NHEJ1: variants seen among roughly 807,000 people sequenced by gnomAD.
The protein encoded by NHEJ1 is non-homologous end joining factor 1.
NHEJ1 carries 22 observed loss-of-function variants against 39.4 expected under a neutral mutation model. That is an observed-to-expected ratio of 0.56 (90% CI 0.40 to 0.80). NHEJ1 has a LOEUF of 0.80. Among genes scored for constraint, NHEJ1 ranks in the 30% least tolerant of loss-of-function variants. The probability of loss-of-function intolerance (pLI) is 0.00; values close to 1 mark genes in which losing one functional copy is unlikely to be tolerated. For missense variants in NHEJ1, 329 were observed against 357.1 expected (o/e 0.92, Z 0.63); for synonymous variants, 154 against 135.6 (o/e 1.14, Z -0.94).
At chr2:219,108,734 T>C (rs957605512) in intron 5 of NHEJ1, among the ~76,000 whole-genome samples, 23 of 152,230 alleles carry the variant, frequency 1.5e-4, no homozygotes, top group African/African-American at 5.3e-4. Flanking sequence ...AATACTGTTT[T>C]CCCCCTAGAG....
At position 219,158,300 on chromosome 2, in the gene NHEJ1, G is replaced by A. The variant is rs750109333; in HGVS notation, c.63C>T (p.Asn21=). Residue 21 remains asparagine (N), a synonymous_variant, in exon 2 of 8, where the codon AAC becomes AAT. Transcript: ENST00000356853. Reference sequence around the variant, plus strand: ...TGATAAAAACCTTGGCCAAGAGGGAGTTCTCTGCAAGCTGTAGCCACGCCC... The same window carrying A: ...TGATAAAAACCTTGGCCAAGAGGGAATTCTCTGCAAGCTGTAGCCACGCCC... The part of the protein sequence containing the change: ...QPWAWLQLAE[N]SLLAKVFITK... 5 of 1,614,098 alleles carry A rather than the reference G, an allele frequency of 3.1e-6. No homozygotes were observed. The East Asian group carries it at 8.9e-5, about 29-fold the overall frequency.
intron 5 of NHEJ1, among the ~76,000 whole-genome samples, chr2:219,093,338 A>G (rs1257267707): frequency 6.6e-6 from 1 of 152,256 alleles, no homozygotes; most frequent in Non-Finnish European, 1.5e-5. Flanking sequence ...TAAAGAAGTC[A>G]GGGCACTATC....
At chr2:219,087,571 G>GC (rs954308079) in intron 5 of NHEJ1, among the ~76,000 whole-genome samples, 1 of 152,050 alleles carries the variant, frequency 6.6e-6, no homozygotes, top group African/African-American at 2.4e-5. Flanking sequence ...TGGACTCCCT[G>GC]CCCCCATCCC....
At chr2:219,113,052 G>A (rs1949380150) in intron 5 of NHEJ1, among the ~76,000 whole-genome samples, 1 of 152,132 alleles carries the variant, frequency 6.6e-6, no homozygotes, top group Non-Finnish European at 1.5e-5. Context: ...GGGGTAGGCA[G>A]GCAACTATCA....
At chr2:219,115,177 G>GAAGAAC (rs1383645906) in intron 5 of NHEJ1, among the ~76,000 whole-genome samples, 1 of 151,614 alleles carries the variant, frequency 6.6e-6, no homozygotes, top group Admixed American at 6.6e-5. Flanking sequence ...AGAAGAAGAA[G>GAAGAAC]AAGAAGAAAG....
chr2:219,130,666 AG>A (rs1298303428), intron 5 of NHEJ1, among the ~76,000 whole-genome samples: 1 of 152,180 alleles, frequency 6.6e-6, no homozygotes, highest in Non-Finnish European at 1.5e-5. Context: ...CCAGAATTGA[AG>A]GGAAGATTTT....
intron 5 of NHEJ1, among the ~76,000 whole-genome samples, chr2:219,089,967 C>T (rs992132697): frequency 6.6e-6 from 1 of 152,172 alleles, no homozygotes; most frequent in Non-Finnish European, 1.5e-5. Context: ...TGAAAGACCA[C>T]AGGATCTAGA....
At chr2:219,126,661 T>A (rs189839250) in intron 5 of NHEJ1, among the ~76,000 whole-genome samples, 38 of 152,240 alleles carry the variant, frequency 2.5e-4, no homozygotes, top group African/African-American at 8.9e-4. Flanking sequence ...TACCACCTAG[T>A]AGGAGGAGCC....
intron 3 of NHEJ1, among the ~76,000 whole-genome samples, chr2:219,155,073 T>TA (rs1223329358): frequency 6.6e-6 from 1 of 151,234 alleles, no homozygotes; most frequent in Non-Finnish European, 1.5e-5. Context: ...AAGAAACTAT[T>TA]AGAGCCCATC....
At chr2:219,086,978 C>T (rs749835084) in intron 5 of NHEJ1, among the ~76,000 whole-genome samples, 20 of 152,208 alleles carry the variant, frequency 1.3e-4, no homozygotes, top group East Asian at 3.9e-4. Context: ...GGGCAACTAA[C>T]GAGCAGCAGA....
rs760304735 is a variant in NHEJ1 at position 219,158,302 on chromosome 2, T to A, written c.61A>T (p.Asn21Tyr). 6.2e-7 allele frequency: 1 copy of A among 1,614,186 alleles called. No homozygotes were observed. Among genetic ancestry groups the A allele is most frequent in the East Asian group, 2.2e-5 (1 of 44,884 alleles). Residue 21 changes from asparagine (N) to tyrosine (Y), a missense_variant, in exon 2 of 8, where the codon AAC becomes TAC. Transcript: ENST00000356853. Reference protein sequence around the residue: ...QPWAWLQLAENSLLAKVFITK... With the variant: ...QPWAWLQLAEYSLLAKVFITK... ...ATAAAAACCTTGGCCAAGAGGGAGT[T>A]CTCTGCAAGCTGTAGCCACGCCCAT... is the stretch of plus-strand genomic sequence containing the variant.
chr2:219,088,930 A>G (rs1283634445), intron 5 of NHEJ1, among the ~76,000 whole-genome samples: 5 of 152,134 alleles, frequency 3.3e-5, no homozygotes, highest in Admixed American at 6.5e-5. Context: ...CTCCTGCCTC[A>G]GCCTCCCGAG....
At chr2:219,106,224 C>T (rs905067535) in intron 5 of NHEJ1, among the ~76,000 whole-genome samples, 2 of 152,092 alleles carry the variant, frequency 1.3e-5, no homozygotes, top group African/African-American at 4.8e-5. Context: ...CTGGCTCCTG[C>T]GCCCAATGTC....
intron 5 of NHEJ1, among the ~76,000 whole-genome samples, chr2:219,136,327 C>T (rs959141422): frequency 1.5e-4 from 22 of 144,946 alleles, no homozygotes; most frequent in African/African-American, 4.1e-4. Flanking sequence ...CTCGCTTTGT[C>T]GCTCAGGCTG....
At chr2:219,151,945 G>T (rs1202117083) in intron 3 of NHEJ1, among the ~76,000 whole-genome samples, 1 of 152,122 alleles carries the variant, frequency 6.6e-6, no homozygotes, top group Non-Finnish European at 1.5e-5. Context: ...TCCAGCCTGG[G>T]TGACAGAGAG....
At chr2:219,159,455 T>G (rs938346362) in intron 1 of NHEJ1, 3 of 150,486 alleles carry the variant, frequency 2.0e-5, no homozygotes, top group African/African-American at 4.9e-5. Flanking sequence ...TTAAGTCTGA[T>G]TAACACAGTC....
intron 5 of NHEJ1, among the ~76,000 whole-genome samples, chr2:219,129,039 T>C (rs1206475411): frequency 6.6e-6 from 1 of 152,222 alleles, no homozygotes; most frequent in Non-Finnish European, 1.5e-5. Flanking sequence ...ACAAAGGCCA[T>C]GGTATGCTGT....
rs1289170658 is a variant in NHEJ1 at position 219,135,373 on chromosome 2, G to C, written c.588+11307C>G. On this transcript the variant is annotated intron_variant, in intron 5 of 7. Coordinates refer to ENST00000356853, the MANE Select transcript of NHEJ1 (RefSeq NM_024782.3). The stretch of plus-strand genomic sequence containing the variant: ...TGTAATCCCAGCACTTTGGGAGGCC[G>C]AGGTGGGTGGATCACTCAAGGTCAG... 2.6e-5 allele frequency among the ~76,000 whole-genome samples: 4 copies of C among 152,092 alleles called. No homozygotes were observed. In the South Asian group the frequency reaches 6.2e-4, roughly 24 times the overall value.
intron 1 of NHEJ1, among the ~76,000 whole-genome samples, chr2:219,159,941 G>C (rs1274224336): frequency 2.0e-5 from 3 of 152,218 alleles, no homozygotes; most frequent in African/African-American, 7.2e-5. Context: ...TAAAGGGGGA[G>C]GAGTTTAAAA....
Sources: gnomAD v4.1 joint callset for allele counts (sites outside exome capture counted in the v4.1 genomes callset) on GRCh38, gnomAD v4.1.1 for gene constraint, MANE v1.5 for transcripts, NCBI Gene and HGNC (gene_info 2026-07-23, HGNC 2026-07-21) for gene names.